Variants in ARHGEF11 observed in about 807,000 individuals in gnomAD.
ARHGEF11 encodes Rho guanine exchange factor (GEF) 11.
A neutral mutation model predicts 193.7 loss-of-function variants in ARHGEF11; 55 were observed. That is an observed-to-expected ratio of 0.28 (90% CI 0.23 to 0.36). ARHGEF11 has a LOEUF of 0.36. Among genes scored for constraint, ARHGEF11 ranks in the 10% least tolerant of loss-of-function variants. The pLI is 1.00. For synonymous variants in ARHGEF11, 693 were observed against 768.0 expected, an observed-to-expected ratio of 0.90 and a Z score of 1.62; for missense variants, 1,723 against 2,005.6, an observed-to-expected ratio of 0.86 and a Z score of 2.69.
chr1:157,022,150 C>G (rs926817212), intron 1 of ARHGEF11, among the ~76,000 whole-genome samples: 4 of 152,210 alleles, frequency 2.6e-5, no homozygotes, highest in African/African-American at 9.7e-5. Context: ...GCCACTTTCA[C>G]TACTTCTGTG....
In ARHGEF11 at chr1:156,963,583, T is replaced by G; in HGVS notation, c.975A>C (p.Gln325His). ...GGCCAATAATTAAAGGCTTTGGGCTTTGATCTACACCCTGGGGGAGAGAGT... is the reference window on the plus strand; with the variant it reads ...GGCCAATAATTAAAGGCTTTGGGCTGTGATCTACACCCTGGGGGAGAGAGT... ...VPSTGDQGVD[Q>H]SPKPLIIGPE... is the part of the protein sequence containing the mutation. The change falls in exon 12 of 41, where the codon CAA becomes CAC. Residue 325 changes from glutamine to histidine, a missense_variant. Physicochemically the swap from Gln to His is conservative, Grantham distance 24. Coordinates refer to ENST00000368194, the MANE Select transcript of ARHGEF11 (RefSeq NM_198236.3). The G allele has an allele frequency of 6.9e-7, 1 of 1,446,854 alleles. No individual in the cohort carries two copies. Among genetic ancestry groups the G allele is most frequent in the Non-Finnish European group, 9.2e-7 (1 of 1,090,514 alleles). The allele number at this position is 1,446,854 out of a possible 1,614,324, so 89.6% of individuals were successfully genotyped here.
chr1:156,955,950 T>C (rs943903557), intron 19 of ARHGEF11, 151 bp from the exon 20 acceptor site: 6 of 701,064 alleles, frequency 8.6e-6, no homozygotes, highest in African/African-American at 7.0e-5. Flanking sequence ...TGTTCGCCTC[T>C]GGCCTGGGTT....
At chr1:157,037,632 C>T (rs1396239441) in intron 1 of ARHGEF11, among the ~76,000 whole-genome samples, 1 of 152,194 alleles carries the variant, frequency 6.6e-6, no homozygotes, top group Non-Finnish European at 1.5e-5. Flanking sequence ...TAGCACCAAC[C>T]TTGCACTCTT....
At chr1:157,005,263 T>G (rs780129510) in intron 1 of ARHGEF11, among the ~76,000 whole-genome samples, 7 of 152,154 alleles carry the variant, frequency 4.6e-5, no homozygotes, top group Admixed American at 1.3e-4. Context: ...CTGTCCCTTA[T>G]AGCTCCCAGT....
rs775430674 is a variant in ARHGEF11 at position 156,946,692 on chromosome 1, G to A, written c.2664C>T (p.Arg888=). 3 of 1,614,118 alleles carry A rather than the reference G, an allele frequency of 1.9e-6. No homozygotes were observed. The Admixed American group carries it at 5.0e-5, about 27-fold the overall frequency. ...IALELIKTKQ[R]KESRFQLFMQ... ...TGAAGAGCTGGAATCGACTCTCCTT[G>A]CGTTGCTTGGTCTTGATTAGCTCTA... Residue 888 remains arginine, a synonymous_variant, in exon 28 of 41, where the codon CGC becomes CGT. Transcript: ENST00000368194.
At chr1:157,001,070 G>A (rs1040948970) in intron 1 of ARHGEF11, among the ~76,000 whole-genome samples, 6 of 152,086 alleles carry the variant, frequency 3.9e-5, no homozygotes, top group Non-Finnish European at 7.4e-5. Flanking sequence ...ATGAACTCTC[G>A]AATGATGACA....
intron 29 of ARHGEF11, 158 bp downstream of exon 29, chr1:156,945,887 C>A: frequency 1.6e-6 from 1 of 609,206 alleles, no homozygotes; most frequent in Non-Finnish European, 2.9e-6. Context: ...AGGACATTTA[C>A]AATCATTTTC....
intron 1 of ARHGEF11, among the ~76,000 whole-genome samples, chr1:156,989,587 C>T (rs962401331): frequency 2.0e-5 from 3 of 152,236 alleles, no homozygotes; most frequent in African/African-American, 7.2e-5. Flanking sequence ...CCTACCTCTA[C>T]TGGATCCTAA....
chr1:157,000,999 T>C (rs1462678403), intron 1 of ARHGEF11, among the ~76,000 whole-genome samples: 2 of 152,154 alleles, frequency 1.3e-5, no homozygotes, highest in African/African-American at 4.8e-5. Flanking sequence ...CCCCTGGAAA[T>C]TCCTGTTCTA....
intron 6 of ARHGEF11, 128 bp downstream of exon 6, chr1:156,978,076 T>C: frequency 1.4e-6 from 2 of 1,388,486 alleles, no homozygotes; most frequent in Non-Finnish European, 1.9e-6. Flanking sequence ...CTTTCAATGG[T>C]CTTTCATATG....
chr1:156,953,337 G>C (rs1329427827), intron 21 of ARHGEF11, among the ~76,000 whole-genome samples: 4 of 152,178 alleles, frequency 2.6e-5, no homozygotes, highest in African/African-American at 9.6e-5. Context: ...TACTTGGAAG[G>C]CTGAGGTGGG....
intron 32 of ARHGEF11, among the ~76,000 whole-genome samples, chr1:156,943,542 C>T (rs1275328774): frequency 6.6e-6 from 1 of 152,234 alleles, no homozygotes; most frequent in East Asian, 1.9e-4. Flanking sequence ...CAGCTCTGTA[C>T]CGTGGGTACT....
At chr1:156,938,332 G>T in intron 38 of ARHGEF11, 86 bp downstream of exon 38, 1 of 1,281,794 alleles carries the variant, frequency 7.8e-7, no homozygotes, top group Non-Finnish European at 1.1e-6. Context: ...GTGTGTGTGT[G>T]ACCATGGGCA....
chr1:156,966,887 G>A lies in ARHGEF11; in HGVS notation c.963+1100C>T, dbSNP rs147761155. Among the ~76,000 whole-genome samples, 11 of 152,208 alleles carry A rather than the reference G, an allele frequency of 7.2e-5. No individual in the cohort carries two copies. The East Asian group carries it at 9.6e-4, about 13-fold the overall frequency. On this transcript the variant is annotated intron_variant, in intron 11 of 40. Coordinates refer to ENST00000368194, the MANE Select transcript of ARHGEF11 (RefSeq NM_198236.3). The stretch of plus-strand genomic sequence containing the variant: ...CTACTTTTTGAGCAAGTTACATCAC[G>A]TAGTTTAAAATTAAAAGGACACAAA...
At chr1:157,035,035 C>T (rs114641140) in intron 1 of ARHGEF11, among the ~76,000 whole-genome samples, 2,710 of 152,128 alleles carry the variant, frequency 0.018, 82 homozygotes, top group African/African-American at 0.063. Context: ...CGAAGCAGGG[C>T]GACAGGGTAC....
intron 1 of ARHGEF11, among the ~76,000 whole-genome samples, chr1:156,987,482 T>A (rs943985270): frequency 3.3e-5 from 5 of 152,216 alleles, no homozygotes; most frequent in African/African-American, 1.2e-4. Flanking sequence ...TAAATATTTA[T>A]TTACATATCC....
In ARHGEF11 at chr1:156,954,380, C is replaced by CAAAAAAAA. The variant is rs559848711; in HGVS notation, c.1798+504_1798+511dup. ...GGGCCACAGAGTGAAACTGTGTCTCCAAAAAAAAAAAAAAAAAAAAAAAAA... is the reference window on the plus strand; with the variant it reads ...GGGCCACAGAGTGAAACTGTGTCTCCAAAAAAAAAAAAAAAAAAAAAAAAAAAAAAAAA... On this transcript the variant is annotated intron_variant, in intron 21 of 40. Coordinates refer to ENST00000368194, the MANE Select transcript of ARHGEF11 (RefSeq NM_198236.3). Among the ~76,000 whole-genome samples the CAAAAAAAA allele has an allele frequency of 3.3e-4, 25 of 75,160 alleles. 2 individuals are homozygous for CAAAAAAAA. The highest frequency in any genetic ancestry group is 4.2e-4 in the Non-Finnish European group (17 of 40,078). 49.3% of individuals were successfully genotyped at this position (75,160 alleles called of 152,430 possible).
intron 6 of ARHGEF11, 118 bp from the exon 7 acceptor site, chr1:156,977,172 A>C: frequency 1.1e-6 from 1 of 889,684 alleles, no homozygotes; most frequent in South Asian, 1.4e-5. Flanking sequence ...GATCATAAGT[A>C]TGTTTTATTC....
intron 21 of ARHGEF11, among the ~76,000 whole-genome samples, chr1:156,951,984 T>A (rs1392394608): frequency 6.6e-6 from 1 of 151,974 alleles, no homozygotes; most frequent in Non-Finnish European, 1.5e-5. Flanking sequence ...CTCACATTAT[T>A]ATAATAACGC....
Sources: allele counts gnomAD v4.1 joint callset (sites outside exome capture counted in the v4.1 genomes callset), GRCh38; gene constraint gnomAD v4.1.1; transcripts MANE v1.5; gene names NCBI Gene and HGNC (gene_info 2026-07-23, HGNC 2026-07-21).